Variants in MAD1L1 observed in about 807,000 individuals in gnomAD.
MAD1L1 encodes the protein mitotic arrest deficient 1 like 1.
In MAD1L1, 95 loss-of-function variants were observed where a neutral mutation model predicts 96.9. The observed-to-expected ratio is 0.98, with a 90% CI of 0.83 to 1.16. The LOEUF (loss-of-function observed/expected upper bound fraction) is 1.16, where lower values mean the gene tolerates loss of function less well. MAD1L1 is among the 50% of genes most tolerant of loss of function. The pLI is 0.00. For synonymous variants in MAD1L1, 473 were observed against 396.6 expected (o/e 1.19, Z -2.29); for missense variants, 1,007 against 954.4 (o/e 1.06, Z -0.73).
intron 12 of MAD1L1, among the ~76,000 whole-genome samples, chr7:2,029,686 G>A (rs539458159): frequency 3.3e-5 from 5 of 152,078 alleles, no homozygotes; most frequent in South Asian, 2.1e-4. Context: ...AGCCCAACTC[G>A]GACTCCAGAG....
At chr7:1,913,883 C>T (rs1788180550) in intron 17 of MAD1L1, among the ~76,000 whole-genome samples, 2 of 152,142 alleles carry the variant, frequency 1.3e-5, no homozygotes, top group African/African-American at 4.8e-5. Context: ...CAGACTCAGT[C>T]ATGCCCCCTC....
At chr7:2,117,552 T>A (rs976536427) in intron 11 of MAD1L1, among the ~76,000 whole-genome samples, 3 of 152,310 alleles carry the variant, frequency 2.0e-5, no homozygotes, top group African/African-American at 7.2e-5. Flanking sequence ...GCTGCTCACG[T>A]GATAGTGAGC....
chr7:1,947,264 C>G (rs1247162970), intron 16 of MAD1L1, among the ~76,000 whole-genome samples: 5 of 152,164 alleles, frequency 3.3e-5, no homozygotes, highest in African/African-American at 9.7e-5. Flanking sequence ...GAGGAGGCTG[C>G]CTCCAGCAAG....
At chr7:1,875,489 G>A (rs991227621) in intron 18 of MAD1L1, among the ~76,000 whole-genome samples, 5 of 152,166 alleles carry the variant, frequency 3.3e-5, no homozygotes, top group African/African-American at 7.2e-5. Flanking sequence ...CCCTCCACTG[G>A]CTGCTCACTA....
At chr7:2,057,361 C>A (rs1784425813) in intron 12 of MAD1L1, among the ~76,000 whole-genome samples, 1 of 152,162 alleles carries the variant, frequency 6.6e-6, no homozygotes, top group African/African-American at 2.4e-5. Context: ...ACTAAAAATA[C>A]AAAGAATTCA....
chr7:1,897,052 C>A (rs538112831), intron 18 of MAD1L1, among the ~76,000 whole-genome samples: 16 of 151,562 alleles, frequency 1.1e-4, no homozygotes, highest in African/African-American at 3.9e-4. Flanking sequence ...TGACTGTGAT[C>A]TGAGAAGCAG....
In MAD1L1 at chr7:2,014,607, G is replaced by C. The variant is rs552851020; in HGVS notation, c.1254C>G (p.Tyr418Ter). ...RDGMRAILGS[Y>*]DSELTPAEYS... ...ACTCGGCCGGGGTCAGCTCGCTGTC[G>C]TAGGACCCCAGGATGGCCCGCATAC... is the stretch of plus-strand genomic sequence containing the variant. Residue 418 changes from tyrosine (Y) to a stop codon, truncating the protein, a stop_gained, in exon 13 of 19, where the codon TAC becomes TAG. Coordinates refer to ENST00000265854, the MANE Select transcript of MAD1L1 (RefSeq NM_001013836.2). LOFTEE classifies it high-confidence loss of function. 2 of 1,612,408 alleles carry C rather than the reference G, an allele frequency of 1.2e-6. No individual in the cohort carries two copies. Among genetic ancestry groups the C allele is most frequent in the Non-Finnish European group, 1.7e-6 (2 of 1,179,706 alleles).
chr7:2,038,949 G>A (rs563700609), intron 12 of MAD1L1, among the ~76,000 whole-genome samples: 4 of 152,200 alleles, frequency 2.6e-5, no homozygotes, highest in East Asian at 1.9e-4. Context: ...ATCACAACCC[G>A]TATGCCGACA....
intron 18 of MAD1L1, among the ~76,000 whole-genome samples, chr7:1,842,989 G>T (rs1257107231): frequency 6.6e-6 from 1 of 152,246 alleles, no homozygotes; most frequent in Admixed American, 6.5e-5. Context: ...CCACAGTGGG[G>T]CTGCTGGTAC....
chr7:2,168,222 T>G (rs866453606), intron 10 of MAD1L1, among the ~76,000 whole-genome samples: 1 of 151,782 alleles, frequency 6.6e-6, no homozygotes, highest in Non-Finnish European at 1.5e-5. Context: ...GAGGCAGAGG[T>G]TGCAGTGAGC....
At chr7:2,033,001 G>A (rs1013063114) in intron 12 of MAD1L1, among the ~76,000 whole-genome samples, 3 of 152,260 alleles carry the variant, frequency 2.0e-5, no homozygotes, top group South Asian at 2.1e-4. Flanking sequence ...CTGGTATCAC[G>A]TGTCTACTGC....
At chr7:1,878,024 T>C (rs1231145058) in intron 18 of MAD1L1, among the ~76,000 whole-genome samples, 1 of 152,076 alleles carries the variant, frequency 6.6e-6, no homozygotes, top group East Asian at 1.9e-4. Context: ...CTATGGGTAA[T>C]ACAAGGATAA....
At chr7:2,087,104 G>C (rs989065661) in intron 11 of MAD1L1, among the ~76,000 whole-genome samples, 1 of 152,242 alleles carries the variant, frequency 6.6e-6, no homozygotes, top group Non-Finnish European at 1.5e-5. Flanking sequence ...TGGCGGCAGG[G>C]GAAGAGCGCT....
At chr7:2,143,018 C>T (rs1325084425) in intron 11 of MAD1L1, among the ~76,000 whole-genome samples, 1 of 152,174 alleles carries the variant, frequency 6.6e-6, no homozygotes, top group Non-Finnish European at 1.5e-5. Flanking sequence ...CCCTGCCATG[C>T]CCTGAAGGCT....
At chr7:2,101,861 G>A (rs992617636) in intron 11 of MAD1L1, among the ~76,000 whole-genome samples, 4 of 152,066 alleles carry the variant, frequency 2.6e-5, no homozygotes, top group African/African-American at 9.7e-5. Context: ...GCTGGCCCAC[G>A]CCTGACACAT....
chr7:1,964,531 G>A (rs1332146797), intron 15 of MAD1L1, among the ~76,000 whole-genome samples: 1 of 152,202 alleles, frequency 6.6e-6, no homozygotes, highest in Non-Finnish European at 1.5e-5. Context: ...AAACAAGTTG[G>A]GGGGATGGTG....
chr7:1,847,812 C>T (rs1783726126), intron 18 of MAD1L1: 2 of 412,374 alleles, frequency 4.8e-6, no homozygotes, highest in African/African-American at 2.0e-5. Context: ...ACCCCTTGGC[C>T]GGCTCCAGGC....
chr7:2,156,037 T>C (rs1758488482), intron 10 of MAD1L1, among the ~76,000 whole-genome samples: 1 of 152,246 alleles, frequency 6.6e-6, no homozygotes, highest in African/African-American at 2.4e-5. Context: ...GTCAGGCAGT[T>C]GCTGCAAAAA....
intron 12 of MAD1L1, among the ~76,000 whole-genome samples, chr7:2,022,659 C>A (rs1782838600): frequency 6.6e-6 from 1 of 151,494 alleles, no homozygotes; most frequent in South Asian, 2.1e-4. Context: ...TTAAAAAAAA[C>A]AAAGAACAAG....
Sources: allele counts gnomAD v4.1 joint callset (sites outside exome capture counted in the v4.1 genomes callset), GRCh38; gene constraint gnomAD v4.1.1; transcripts MANE v1.5; gene names NCBI Gene and HGNC (gene_info 2026-07-23, HGNC 2026-07-21).